Variants in SYCP1 observed in about 807,000 individuals in gnomAD.
SYCP1 encodes cancer/testis antigen 8.
A neutral mutation model predicts 153.1 loss-of-function variants in SYCP1; 64 were observed. That is an observed-to-expected ratio of 0.42 (90% confidence interval 0.34 to 0.51). The LOEUF (loss-of-function observed/expected upper bound fraction) is 0.51, where lower values mean the gene tolerates loss of function less well. Among genes scored for constraint, SYCP1 ranks in the 20% least tolerant of loss-of-function variants. The probability of loss-of-function intolerance (pLI) is 0.06; values close to 1 mark genes in which losing one functional copy is unlikely to be tolerated. For synonymous variants in SYCP1, 384 were observed against 341.8 expected (o/e 1.12, Z -1.36); for missense variants, 997 against 1,049.0 (o/e 0.95, Z 0.68).
At chr1:114,867,814 G>A (rs1664865192) in intron 8 of SYCP1, among the ~76,000 whole-genome samples, 1 of 152,080 alleles carries the variant, frequency 6.6e-6, no homozygotes, top group Non-Finnish European at 1.5e-5. Flanking sequence ...AATGGTGAGA[G>A]GGGACATCCT....
chr1:114,876,565 T>C (rs1195606357), intron 10 of SYCP1, among the ~76,000 whole-genome samples, 172 bp from the exon 11 acceptor site: 2 of 151,550 alleles, frequency 1.3e-5, no homozygotes, highest in African/African-American at 2.4e-5. Context: ...ATATTTACTA[T>C]TTTACTAAAC....
intron 27 of SYCP1, among the ~76,000 whole-genome samples, chr1:114,968,713 T>G (rs1672298453): frequency 1.3e-5 from 2 of 152,212 alleles, no homozygotes; most frequent in African/African-American, 4.8e-5. Context: ...CAGTTTTGTT[T>G]CCTTGCTGGC....
intron 27 of SYCP1, among the ~76,000 whole-genome samples, chr1:114,969,332 C>T (rs916990396): frequency 1.3e-5 from 2 of 152,034 alleles, no homozygotes; most frequent in African/African-American, 2.4e-5. Flanking sequence ...TCAGAGATGC[C>T]CTGCCCAGAG....
chr1:114,946,402 C>A, intron 26 of SYCP1, 21 bp downstream of exon 26: 1 of 1,450,808 alleles, frequency 6.9e-7, no homozygotes, highest in Non-Finnish European at 9.4e-7. Flanking sequence ...GAAAAAATTG[C>A]AGTAACGGCC....
rs1221551513 is a variant in SYCP1, at chr1:114,988,093, A to AG, written c.2703+3225_2703+3226insG. ...TCTGATAAACGGCAAAAAAAAAAAA[A>AG]AAAGAAAAAGAAAAGAAAAGAAAAG... On this transcript the variant is annotated intron_variant, in intron 30 of 31. Transcript: ENST00000369522. 1.0e-3 allele frequency among the ~76,000 whole-genome samples: 154 copies of AG among 149,576 alleles called. 2 individuals carry two copies. Among genetic ancestry groups the AG allele is most frequent in the African/African-American group, 3.7e-3 (148 of 40,272 alleles).
chr1:114,983,399 G>T (rs952981459), intron 29 of SYCP1, among the ~76,000 whole-genome samples: 11 of 151,842 alleles, frequency 7.2e-5, no homozygotes, highest in African/African-American at 2.7e-4. Context: ...GACAAATTCT[G>T]CCCCCTACTT....
At chr1:114,887,530 C>T in intron 14 of SYCP1, 96 bp from the exon 15 acceptor site, 1 of 682,694 alleles carries the variant, frequency 1.5e-6, no homozygotes, top group East Asian at 2.9e-5. Context: ...TGAATCTATT[C>T]TAAGATATAT....
chr1:114,971,220 C>A (rs1268355059), intron 27 of SYCP1, among the ~76,000 whole-genome samples: 1 of 152,058 alleles, frequency 6.6e-6, no homozygotes, highest in African/African-American at 2.4e-5. Context: ...GAAAAACCAT[C>A]AGGTGGGGGC....
chr1:114,874,691 G>A, intron 9 of SYCP1, 127 bp downstream of exon 9: 1 of 555,144 alleles, frequency 1.8e-6, no homozygotes, highest in Non-Finnish European at 3.0e-6. Flanking sequence ...ATATATTATT[G>A]TATCACTAAT....
chr1:114,982,168 C>A (rs954390440), intron 29 of SYCP1, among the ~76,000 whole-genome samples: 2 of 151,972 alleles, frequency 1.3e-5, no homozygotes, highest in African/African-American at 2.4e-5. Flanking sequence ...CAAAGACAAA[C>A]AAATTTGCTG....
intron 16 of SYCP1, among the ~76,000 whole-genome samples, chr1:114,909,622 T>TA (rs1196420088): frequency 6.6e-6 from 1 of 151,998 alleles, no homozygotes; most frequent in Non-Finnish European, 1.5e-5. Context: ...TATAGTGACA[T>TA]ACTGAAAGCT....
At chr1:114,864,448 C>T (rs1440235099) in intron 8 of SYCP1, among the ~76,000 whole-genome samples, 2 of 151,950 alleles carry the variant, frequency 1.3e-5, no homozygotes, top group East Asian at 1.9e-4. Flanking sequence ...CATCTTTTTT[C>T]TCACTGTACT....
chr1:114,869,625 T>C (rs567436654), intron 8 of SYCP1, among the ~76,000 whole-genome samples: 5 of 152,194 alleles, frequency 3.3e-5, no homozygotes, highest in Admixed American at 6.5e-5. Flanking sequence ...AAAATCCAAT[T>C]GAGTGCCAAA....
At chr1:114,992,007 G>A (rs1673958846) in intron 30 of SYCP1, among the ~76,000 whole-genome samples, 2 of 151,554 alleles carry the variant, frequency 1.3e-5, no homozygotes, top group Non-Finnish European at 1.5e-5. Context: ...ATATACCAGC[G>A]ATGAACAATC....
In SYCP1 at chr1:114,887,611, G is replaced by A; in HGVS notation, c.1191-15G>A. 1 of 1,490,864 alleles carries A rather than the reference G, an allele frequency of 6.7e-7. No individual in the cohort carries two copies. Among genetic ancestry groups the A allele is most frequent in the Non-Finnish European group, 9.2e-7 (1 of 1,092,210 alleles). 92.4% of individuals were successfully genotyped at this position (1,490,864 alleles called of 1,614,324 possible). ...TAAAATAATATTTTGTATTGAAAAT[G>A]ATATATTTTACAAGATTGGAAAAAA... is the stretch of plus-strand genomic sequence containing the variant. On this transcript the variant is annotated splice_polypyrimidine_tract_variant and intron_variant, in intron 14 of 31. Transcript: ENST00000369522.
intron 8 of SYCP1, among the ~76,000 whole-genome samples, chr1:114,861,336 T>G (rs528133747): frequency 6.6e-6 from 1 of 152,304 alleles, no homozygotes; most frequent in East Asian, 1.9e-4. Flanking sequence ...TTTTAAATTA[T>G]AAAGTAGGAT....
At chr1:114,871,514 T>C (rs757412753) in intron 8 of SYCP1, among the ~76,000 whole-genome samples, 35 of 152,162 alleles carry the variant, frequency 2.3e-4, no homozygotes, top group Non-Finnish European at 4.1e-4. Context: ...ATTTCTTTTA[T>C]ATAAAGCATA....
chr1:114,988,080 C>CAA (rs34553973), intron 30 of SYCP1, among the ~76,000 whole-genome samples: 153 of 114,618 alleles, frequency 1.3e-3, no homozygotes, highest in Admixed American at 2.8e-3. Context: ...TGATAAACGG[C>CAA]AAAAAAAAAA....
Position 114,905,926 on chromosome 1 carries a change from C to A in SYCP1, c.1321-4471C>A, listed in dbSNP as rs150460569. Among the ~76,000 whole-genome samples, 101 of 152,082 alleles carry A rather than the reference C, an allele frequency of 6.6e-4. 1 individual carries two copies. The highest frequency in any genetic ancestry group is 2.3e-3 in the African/African-American group (97 of 41,494). ...TCTGTACAGTCTGTAGGATTACCTTCTTTTTGTTACTGATATTGGTTGTTG... is the reference window on the plus strand; with the variant it reads ...TCTGTACAGTCTGTAGGATTACCTTATTTTTGTTACTGATATTGGTTGTTG... On this transcript the variant is annotated intron_variant, in intron 16 of 31. Transcript: ENST00000369522.
Sources: allele counts gnomAD v4.1 joint callset (sites outside exome capture counted in the v4.1 genomes callset), GRCh38; gene constraint gnomAD v4.1.1; transcripts MANE v1.5; gene names NCBI Gene and HGNC (gene_info 2026-07-23, HGNC 2026-07-21).